The following STXBP5 variants were observed in gnomAD, a reference collection of about 807,000 sequenced individuals.
STXBP5 encodes the protein syntaxin binding protein 5.
In STXBP5, 50 loss-of-function variants were observed where a neutral mutation model predicts 152.4. The ratio of observed to expected loss-of-function variants is 0.33; its 90% confidence interval spans 0.26 to 0.42. The LOEUF (loss-of-function observed/expected upper bound fraction) is 0.42. Among genes scored for constraint, STXBP5 ranks in the 10% least tolerant of loss-of-function variants. The pLI, the probability that STXBP5 is intolerant of heterozygous loss-of-function variation, is 1.00. For missense variants in STXBP5, 1,167 were observed against 1,388.6 expected (o/e 0.84, Z 2.54); for synonymous variants, 492 against 494.7 (o/e 0.99, Z 0.07).
At chr6:147,214,452 A>G (rs1777057657) in intron 2 of STXBP5, among the ~76,000 whole-genome samples, 1 of 152,164 alleles carries the variant, frequency 6.6e-6, no homozygotes, top group African/African-American at 2.4e-5. Context: ...TTGTTGACAT[A>G]GTTTACTGCT....
At chr6:147,298,487 A>G (rs1401812743) in intron 9 of STXBP5, among the ~76,000 whole-genome samples, 2 of 152,124 alleles carry the variant, frequency 1.3e-5, no homozygotes, top group Non-Finnish European at 2.9e-5. Flanking sequence ...AAGTGGATCT[A>G]ACATACATTT....
intron 9 of STXBP5, among the ~76,000 whole-genome samples, chr6:147,296,648 A>G (rs1295689790): frequency 6.6e-6 from 1 of 152,214 alleles, no homozygotes; most frequent in Non-Finnish European, 1.5e-5. Context: ...GGAAATTTAC[A>G]ATATGCCCAT....
At chr6:147,247,201 G>A (rs1045589321) in intron 4 of STXBP5, among the ~76,000 whole-genome samples, 1 of 152,174 alleles carries the variant, frequency 6.6e-6, no homozygotes, top group African/African-American at 2.4e-5. Context: ...TCACAGTATT[G>A]AAACAAAGAC....
chr6:147,253,098 A>C (rs1426637229), intron 4 of STXBP5, among the ~76,000 whole-genome samples: 1 of 152,208 alleles, frequency 6.6e-6, no homozygotes, highest in Non-Finnish European at 1.5e-5. Context: ...AGCACATCAA[A>C]AAGCTTATCC....
chr6:147,222,925 A>G (rs1159443537), intron 2 of STXBP5, among the ~76,000 whole-genome samples: 1 of 152,192 alleles, frequency 6.6e-6, no homozygotes. Flanking sequence ...ACCCGGACAC[A>G]GGTTTTCACA....
At chr6:147,237,012 G>T (rs577962733) in intron 3 of STXBP5, among the ~76,000 whole-genome samples, 1 of 151,908 alleles carries the variant, frequency 6.6e-6, no homozygotes, top group Non-Finnish European at 1.5e-5. Context: ...TCCTGACCTC[G>T]TGATCTGCCT....
At chr6:147,271,101 G>A (rs573262927) in intron 7 of STXBP5, among the ~76,000 whole-genome samples, 12 of 152,060 alleles carry the variant, frequency 7.9e-5, no homozygotes, top group Non-Finnish European at 1.5e-5. Flanking sequence ...CAGCAAGATG[G>A]TAGATTTAAA....
intron 4 of STXBP5, among the ~76,000 whole-genome samples, chr6:147,240,084 A>G (rs549677640): frequency 6.6e-6 from 1 of 151,944 alleles, no homozygotes; most frequent in South Asian, 2.1e-4. Context: ...CTGGGACTAT[A>G]GCATGCACCA....
At chr6:147,342,172 G>GA (rs929561061) in intron 21 of STXBP5, among the ~76,000 whole-genome samples, 5 of 151,674 alleles carry the variant, frequency 3.3e-5, no homozygotes, top group South Asian at 2.1e-4. Flanking sequence ...CAATAATCTG[G>GA]AAAAAAAAGA....
intron 2 of STXBP5, among the ~76,000 whole-genome samples, chr6:147,207,497 A>C (rs766976038): frequency 1.3e-5 from 2 of 152,114 alleles, no homozygotes; most frequent in Non-Finnish European, 2.9e-5. Context: ...TTTGGCTTCA[A>C]TTGTTAGATA....
At chr6:147,329,616 G>A (rs1437789534) in intron 18 of STXBP5, among the ~76,000 whole-genome samples, 1 of 48,222 alleles carries the variant, frequency 2.1e-5, no homozygotes, top group Non-Finnish European at 3.8e-5. Flanking sequence ...TGTTCTTCAG[G>A]CTTTTTTTTT....
At chr6:147,381,451 T>G (rs748696041) in intron 26 of STXBP5, among the ~76,000 whole-genome samples, 2 of 152,010 alleles carry the variant, frequency 1.3e-5, no homozygotes, top group East Asian at 3.9e-4. Context: ...GTAAAATGGG[T>G]GCACCCTCTT....
At chr6:147,245,132 G>A (rs531605789) in intron 4 of STXBP5, among the ~76,000 whole-genome samples, 1 of 151,622 alleles carries the variant, frequency 6.6e-6, no homozygotes, top group African/African-American at 2.4e-5. Context: ...GGGATTACAG[G>A]TGCCCACCAC....
chr6:147,271,750 A>G (rs1036198455), intron 7 of STXBP5, among the ~76,000 whole-genome samples: 2 of 152,156 alleles, frequency 1.3e-5, no homozygotes, highest in African/African-American at 4.8e-5. Context: ...TTAAATCTAT[A>G]GTAAGCTGAA....
chr6:147,390,192 C>G lies in STXBP5; in HGVS notation c.*5437C>G, dbSNP rs900515788. On this transcript the variant is annotated 3_prime_UTR_variant, in exon 28 of 28. Transcript: ENST00000321680. ...TTTAAAAAAAATCTGTGTATTGTTT[C>G]ATCTAAAAAGAAAAGCACTATTGGA... is the stretch of plus-strand genomic sequence containing the variant. The G allele has an allele frequency of 2.6e-5, 4 of 151,886 alleles. No individual in the cohort carries two copies. Among genetic ancestry groups the G allele is most frequent in the African/African-American group, 9.7e-5 (4 of 41,368 alleles). The allele number at this position is 151,886 out of a possible 1,614,324, so 9.4% of individuals were successfully genotyped here.
intron 24 of STXBP5, 31 bp from the exon 25 acceptor site, chr6:147,363,970 T>C (rs1450950175): frequency 1.2e-6 from 2 of 1,604,588 alleles, no homozygotes; most frequent in South Asian, 1.1e-5. Context: ...ACCTACCTTA[T>C]TATTAACAAG....
chr6:147,309,800 A>G (rs1782273631), intron 9 of STXBP5, among the ~76,000 whole-genome samples: 1 of 152,150 alleles, frequency 6.6e-6, no homozygotes, highest in Non-Finnish European at 1.5e-5. Flanking sequence ...ATCAGCAGAA[A>G]GCCAGAGAGA....
chr6:147,381,580 A>G (rs1786085071), intron 26 of STXBP5, among the ~76,000 whole-genome samples: 1 of 152,210 alleles, frequency 6.6e-6, no homozygotes. Context: ...ACATTTGTAT[A>G]AATGTTCATA....
At chr6:147,347,901 A>T (rs1236097589) in intron 21 of STXBP5, among the ~76,000 whole-genome samples, 1 of 152,232 alleles carries the variant, frequency 6.6e-6, no homozygotes, top group Non-Finnish European at 1.5e-5. Flanking sequence ...ACAAAGGATG[A>T]TATCAGATGG....
Sources: gnomAD v4.1 joint callset for allele counts (sites outside exome capture counted in the v4.1 genomes callset) on GRCh38, gnomAD v4.1.1 for gene constraint, MANE v1.5 for transcripts, NCBI Gene and HGNC (gene_info 2026-07-23, HGNC 2026-07-21) for gene names.